Variants in IGSF21 observed in about 807,000 individuals in gnomAD.
IGSF21 encodes immunoglobulin superfamily member 21.
In IGSF21, 28 loss-of-function variants were observed where a neutral mutation model predicts 46.8. That is an observed-to-expected ratio of 0.60 (90% CI 0.44 to 0.82). The LOEUF is 0.82. IGSF21 is among the 40% of genes least tolerant of loss of function. The pLI, the probability that IGSF21 is intolerant of heterozygous loss-of-function variation, is 0.00. For synonymous variants in IGSF21, 284 were observed against 273.6 expected (o/e 1.04, Z -0.38); for missense variants, 624 against 665.5 (o/e 0.94, Z 0.69).
intron 2 of IGSF21, among the ~76,000 whole-genome samples, chr1:18,283,199 A>G (rs573012331): frequency 5.3e-5 from 8 of 152,230 alleles, no homozygotes; most frequent in Admixed American, 5.2e-4. Flanking sequence ...CGGTAACCGG[A>G]TGAGACAGGC....
intron 1 of IGSF21, among the ~76,000 whole-genome samples, chr1:18,187,547 A>C (rs2355652): frequency 0.42 from 63,092 of 151,944 alleles, 13,908 homozygotes; most frequent in African/African-American, 0.57. Flanking sequence ...TAATCACTAC[A>C]ATGAGAACAG....
chr1:18,343,781 C>T (rs1331654777), intron 4 of IGSF21, among the ~76,000 whole-genome samples: 3 of 152,176 alleles, frequency 2.0e-5, no homozygotes, highest in Admixed American at 1.3e-4. Context: ...CCAGACTCTC[C>T]ATTCTGTTTC....
At chr1:18,372,934 A>C (rs545296269) in intron 6 of IGSF21, among the ~76,000 whole-genome samples, 25 of 152,240 alleles carry the variant, frequency 1.6e-4, no homozygotes, top group African/African-American at 5.1e-4. Context: ...AAGCATCCAG[A>C]ATTCCTAGGG....
chr1:18,133,434 C>T (rs1484650271), intron 1 of IGSF21, among the ~76,000 whole-genome samples: 3 of 152,232 alleles, frequency 2.0e-5, no homozygotes, highest in Non-Finnish European at 2.9e-5. Flanking sequence ...CAAGTCGCTT[C>T]ACCTCTCTGG....
At chr1:18,151,463 G>T (rs2086521682) in intron 1 of IGSF21, among the ~76,000 whole-genome samples, 1 of 152,146 alleles carries the variant, frequency 6.6e-6, no homozygotes, top group African/African-American at 2.4e-5. Flanking sequence ...TCACATGGAG[G>T]CTCTGACCTA....
intron 1 of IGSF21, among the ~76,000 whole-genome samples, chr1:18,187,236 GAGA>G (rs2086912334): frequency 6.6e-6 from 1 of 152,026 alleles, no homozygotes; most frequent in Non-Finnish European, 1.5e-5. Context: ...GAGAGAGAGA[GAGA>G]GAGAAAGAGC....
At chr1:18,273,039 C>CTTGTTTTTTTTTTTTTTTT (rs2085058028) in intron 2 of IGSF21, among the ~76,000 whole-genome samples, 1 of 80,722 alleles carries the variant, frequency 1.2e-5, no homozygotes, top group Non-Finnish European at 2.4e-5. Context: ...CCAGACGGAT[C>CTTGTTTTTTTTTTTTTTTT]TTTTTTTTTT....
At chr1:18,207,806 G>C (rs1223989849) in intron 1 of IGSF21, among the ~76,000 whole-genome samples, 1 of 152,154 alleles carries the variant, frequency 6.6e-6, no homozygotes, top group African/African-American at 2.4e-5. Context: ...CCATGTTCTG[G>C]TCTGGTGCCT....
chr1:18,162,141 G>C (rs1466513837), intron 1 of IGSF21, among the ~76,000 whole-genome samples: 2 of 151,972 alleles, frequency 1.3e-5, no homozygotes. Context: ...AACTTCCCAG[G>C]CTAGGGCGAT....
At chr1:18,171,913 G>A (rs1315090871) in intron 1 of IGSF21, among the ~76,000 whole-genome samples, 1 of 152,216 alleles carries the variant, frequency 6.6e-6, no homozygotes, top group African/African-American at 2.4e-5. Context: ...ATGGGCAGCT[G>A]ATACAGTTCT....
intron 1 of IGSF21, among the ~76,000 whole-genome samples, chr1:18,196,460 C>T (rs997806421): frequency 2.0e-5 from 3 of 152,170 alleles, no homozygotes; most frequent in Non-Finnish European, 4.4e-5. Flanking sequence ...CAGCCAAGAG[C>T]TCAACAACCA....
At chr1:18,133,620 T>C (rs1437430020) in intron 1 of IGSF21, among the ~76,000 whole-genome samples, 1 of 152,188 alleles carries the variant, frequency 6.6e-6, no homozygotes, top group Non-Finnish European at 1.5e-5. Flanking sequence ...TGCACCACCA[T>C]CTCCTTCAGA....
intron 1 of IGSF21, among the ~76,000 whole-genome samples, chr1:18,208,772 T>C (rs1032190522): frequency 2.0e-5 from 3 of 151,890 alleles, no homozygotes; most frequent in African/African-American, 4.8e-5. Context: ...CCTTCAATAG[T>C]ACATGGAAGG....
chr1:18,185,879 C>G (rs977488794), intron 1 of IGSF21, among the ~76,000 whole-genome samples: 2 of 152,220 alleles, frequency 1.3e-5, no homozygotes, highest in Admixed American at 6.5e-5. Context: ...ATCCCTGCAG[C>G]TGGGCAAGTC....
intron 2 of IGSF21, among the ~76,000 whole-genome samples, chr1:18,265,537 G>A (rs1351636252): frequency 6.6e-6 from 1 of 152,164 alleles, no homozygotes; most frequent in Admixed American, 6.5e-5. Flanking sequence ...ACCCACTTGG[G>A]TACACCTGCA....
In IGSF21 at chr1:18,338,056, G is replaced by A. The variant is rs112235597; in HGVS notation, c.424+3046G>A. Among the ~76,000 whole-genome samples the A allele has an allele frequency of 9.2e-4, 140 of 152,222 alleles. 1 individual carries two copies. Among genetic ancestry groups the A allele is most frequent in the Non-Finnish European group, 1.7e-3 (113 of 68,020 alleles). On this transcript the variant is annotated intron_variant, in intron 4 of 9. Transcript: ENST00000251296. ...CCCATCGACCACATGGGCCTGGGAG[G>A]CAGGCACCACAATAAGCCCATTGCA...
At chr1:18,355,411 A>G (rs905192872) in intron 4 of IGSF21, among the ~76,000 whole-genome samples, 1 of 152,140 alleles carries the variant, frequency 6.6e-6, no homozygotes, top group Non-Finnish European at 1.5e-5. Flanking sequence ...TCATCCAACC[A>G]TTACCTCCCT....
At chr1:18,316,293 C>A (rs1391950244) in intron 3 of IGSF21, among the ~76,000 whole-genome samples, 4 of 152,200 alleles carry the variant, frequency 2.6e-5, no homozygotes, top group Non-Finnish European at 5.9e-5. Context: ...ACTGCTGAGG[C>A]CAGAGGGAAT....
At chr1:18,223,333 T>A (rs1470792200) in intron 1 of IGSF21, among the ~76,000 whole-genome samples, 1 of 152,252 alleles carries the variant, frequency 6.6e-6, no homozygotes, top group African/African-American at 2.4e-5. Context: ...TCAGTGGCAA[T>A]CGATGGAGCT....
Sources: gnomAD v4.1 joint callset for allele counts (sites outside exome capture counted in the v4.1 genomes callset) on GRCh38, gnomAD v4.1.1 for gene constraint, MANE v1.5 for transcripts, NCBI Gene and HGNC (gene_info 2026-07-23, HGNC 2026-07-21) for gene names.